The following MYRIP variants were observed in gnomAD, a reference collection of about 807,000 sequenced individuals.
MYRIP encodes rab effector MyRIP.
In MYRIP, 49 loss-of-function variants were observed where a neutral mutation model predicts 98.0. That is an observed-to-expected ratio of 0.50 (90% CI 0.40 to 0.63). MYRIP has a LOEUF of 0.63. MYRIP is among the 30% of genes least tolerant of loss of function. The pLI, the probability that MYRIP is intolerant of heterozygous loss-of-function variation, is 0.00. For missense variants in MYRIP, 1,004 were observed against 1,058.2 expected (o/e 0.95, Z 0.71); for synonymous variants, 404 against 409.5 (o/e 0.99, Z 0.16).
chr3:40,091,365 G>T (rs143074366), intron 3 of MYRIP, among the ~76,000 whole-genome samples: 3,266 of 145,266 alleles, frequency 0.022, 38 homozygotes, highest in Middle Eastern at 0.043. Flanking sequence ...AGCCACTGAA[G>T]GGGTCAACTA....
At chr3:40,220,249 G>A (rs915082234) in intron 11 of MYRIP, among the ~76,000 whole-genome samples, 10 of 152,132 alleles carry the variant, frequency 6.6e-5, no homozygotes, top group Middle Eastern at 3.4e-3. Context: ...TTTGTCAGAC[G>A]AGTAGGTTGC....
At chr3:39,886,481 A>G (rs1254380291) in intron 1 of MYRIP, among the ~76,000 whole-genome samples, 8 of 150,472 alleles carry the variant, frequency 5.3e-5, no homozygotes, top group South Asian at 2.1e-4. Flanking sequence ...TCAAAATAAA[A>G]GGATGGAGGA....
chr3:39,895,722 G>T (rs939308421), intron 1 of MYRIP, among the ~76,000 whole-genome samples: 1 of 152,098 alleles, frequency 6.6e-6, no homozygotes, highest in East Asian at 1.9e-4. Flanking sequence ...TTAGTAAAAT[G>T]ATTTTAAAGT....
chr3:40,169,870 C>A (rs1950574714), intron 7 of MYRIP, 80 bp from the exon 8 acceptor site: 1 of 1,573,546 alleles, frequency 6.4e-7, no homozygotes, highest in Non-Finnish European at 8.7e-7. Flanking sequence ...AAAAAAATTC[C>A]AAAGATGGTC....
At chr3:39,830,479 ACTC>A in intron 1 of MYRIP, among the ~76,000 whole-genome samples, 1 of 151,808 alleles carries the variant, frequency 6.6e-6, no homozygotes, top group East Asian at 1.9e-4. Context: ...CACCATTCTC[ACTC>A]TTACACATTG....
chr3:40,007,222 C>A (rs1445377491), intron 2 of MYRIP, among the ~76,000 whole-genome samples: 1 of 152,096 alleles, frequency 6.6e-6, no homozygotes, highest in Non-Finnish European at 1.5e-5. Context: ...TGGAGAAAGC[C>A]GTTTCAAAAT....
At chr3:40,041,339 T>C (rs1228632005) in intron 2 of MYRIP, among the ~76,000 whole-genome samples, 2 of 127,566 alleles carry the variant, frequency 1.6e-5, no homozygotes, top group Non-Finnish European at 3.4e-5. Context: ...AAATCGTAAA[T>C]TTAAAATGAA....
Position 40,234,005 on chromosome 3 carries a change from G to T in MYRIP, c.2052G>T (p.Gly684=), listed in dbSNP as rs1952744900. The change falls in exon 12 of 17, where the codon GGG becomes GGT. Residue 684 remains glycine, a synonymous_variant. Transcript: ENST00000302541. Reference sequence around the variant, plus strand: ...GACAGAAGGGGATGTTTCCTCGTGGGACAGACCAAGTGAGACTGGATGAGC... The same window carrying T: ...GACAGAAGGGGATGTTTCCTCGTGGTACAGACCAAGTGAGACTGGATGAGC... The part of the protein sequence containing the change: ...PDRQKGMFPR[G]TDQVRLDEQL... 3 of 1,613,158 alleles carry T rather than the reference G, an allele frequency of 1.9e-6. No homozygotes were observed. Among genetic ancestry groups the T allele is most frequent in the Non-Finnish European group, 2.5e-6 (3 of 1,179,726 alleles).
intron 2 of MYRIP, among the ~76,000 whole-genome samples, chr3:40,030,734 A>G (rs1452235771): frequency 6.6e-6 from 1 of 152,190 alleles, no homozygotes; most frequent in Non-Finnish European, 1.5e-5. Flanking sequence ...AGAAGGCCAC[A>G]TATGATATTA....
At chr3:40,159,197 C>CA (rs1202381414) in intron 4 of MYRIP, among the ~76,000 whole-genome samples, 18 of 151,736 alleles carry the variant, frequency 1.2e-4, no homozygotes, top group African/African-American at 4.1e-4. Flanking sequence ...CTGGTGGTGA[C>CA]AAAATCTCTC....
At position 39,877,798 on chromosome 3, in the gene MYRIP, G is replaced by A. The variant is rs866386485; in HGVS notation, c.-30-22989G>A. On this transcript the variant is annotated intron_variant, in intron 1 of 16. Transcript: ENST00000302541. ...AGGCTGCTCGGGGGTCAGGGGTCAG[G>A]GACCCACTTGAGGAGGCAGTCTGCC... Among the ~76,000 whole-genome samples, 1,287 of 152,082 alleles carry A rather than the reference G, an allele frequency of 8.5e-3. 16 individuals carry two copies. Among genetic ancestry groups the A allele is most frequent in the African/African-American group, 0.029 (1,220 of 41,368 alleles).
intron 8 of MYRIP, among the ~76,000 whole-genome samples, chr3:40,178,679 G>A (rs945733152): frequency 2.4e-4 from 36 of 152,162 alleles, no homozygotes; most frequent in Non-Finnish European, 1.6e-4. Flanking sequence ...CTTTCTCTGC[G>A]CTATGCATGA....
Position 40,013,802 on chromosome 3 carries a change from G to A in MYRIP, c.111-30248G>A, listed in dbSNP as rs11925839. Among the ~76,000 whole-genome samples the A allele has an allele frequency of 7.1e-3, 1,081 of 152,296 alleles. 13 individuals carry two copies. Among genetic ancestry groups the A allele is most frequent in the African/African-American group, 0.025 (1,023 of 41,548 alleles). On this transcript the variant is annotated intron_variant, in intron 2 of 16. Transcript: ENST00000302541. ...ATCTGCAAAAGTTCTTTGTGCCTGT[G>A]GAGGTTGCACATTGTCATTTTAGGC...
At chr3:40,021,375 T>G (rs970655893) in intron 2 of MYRIP, among the ~76,000 whole-genome samples, 1 of 152,180 alleles carries the variant, frequency 6.6e-6, no homozygotes, top group African/African-American at 2.4e-5. Flanking sequence ...TTTACAAATA[T>G]TCTCTTCTAG....
chr3:40,233,564 C>T (rs969625000), intron 11 of MYRIP, among the ~76,000 whole-genome samples: 1 of 152,120 alleles, frequency 6.6e-6, no homozygotes, highest in African/African-American at 2.4e-5. Flanking sequence ...TATTAAACTA[C>T]CAGCAGTGAG....
At chr3:39,917,927 CTTT>C (rs36057099) in intron 2 of MYRIP, among the ~76,000 whole-genome samples, 2 of 146,104 alleles carry the variant, frequency 1.4e-5, no homozygotes, top group Admixed American at 6.8e-5. Context: ...GACTTCCATT[CTTT>C]TTTTTTTTTT....
intron 3 of MYRIP, among the ~76,000 whole-genome samples, chr3:40,125,131 A>C (rs1316400957): frequency 6.6e-6 from 1 of 152,236 alleles, no homozygotes; most frequent in East Asian, 1.9e-4. Context: ...GATCCAGTGG[A>C]GGCATGGGGC....
intron 3 of MYRIP, among the ~76,000 whole-genome samples, chr3:40,141,822 G>A (rs1237685430): frequency 6.6e-6 from 1 of 152,154 alleles, no homozygotes; most frequent in Non-Finnish European, 1.5e-5. Flanking sequence ...CTTTATGCCA[G>A]TACCATGCTG....
chr3:40,030,155 A>T (rs1282690788), intron 2 of MYRIP, among the ~76,000 whole-genome samples: 8 of 151,884 alleles, frequency 5.3e-5, no homozygotes, highest in African/African-American at 1.9e-4. Flanking sequence ...AAGGGAAAGA[A>T]AGGAAAGAAA....
Sources: gnomAD v4.1 joint callset for allele counts (sites outside exome capture counted in the v4.1 genomes callset) on GRCh38, gnomAD v4.1.1 for gene constraint, MANE v1.5 for transcripts, NCBI Gene and HGNC (gene_info 2026-07-23, HGNC 2026-07-21) for gene names.